ZNF519: variants seen among roughly 807,000 people sequenced by gnomAD.
ZNF519 encodes the protein similar to Zinc finger protein 85 (Zinc finger protein HPF4) (HTF1).
In ZNF519, 7 loss-of-function variants were observed where a neutral mutation model predicts 7.4. The observed-to-expected ratio is 0.94, with a 90% confidence interval of 0.54 to 1.77. The LOEUF is 1.77. Among genes scored for constraint, ZNF519 ranks in the 40% most tolerant of loss-of-function variants. The pLI is 0.00. For missense variants in ZNF519, 586 were observed against 623.1 expected (o/e 0.94, Z 0.63); for synonymous variants, 179 against 203.3 (o/e 0.88, Z 1.02).
At chr18:14,120,014 G>A (rs2046263151) in intron 2 of ZNF519, among the ~76,000 whole-genome samples, 1 of 152,192 alleles carries the variant, frequency 6.6e-6, no homozygotes, top group East Asian at 1.9e-4. Context: ...CGGATTTAAA[G>A]TTTTAGTGGA....
At position 14,104,660 on chromosome 18, in the gene ZNF519, T is replaced by C. The variant is rs952022538; in HGVS notation, c.*257A>G. On this transcript the variant is annotated 3_prime_UTR_variant, in exon 3 of 3. Coordinates refer to ENST00000590202, the MANE Select transcript of ZNF519 (RefSeq NM_145287.4). ...CTCTCCATCAATGTCGTCCCTCTTTTTAAACATACAATTTAATTATCTAAT... is the reference window on the plus strand; with the variant it reads ...CTCTCCATCAATGTCGTCCCTCTTTCTAAACATACAATTTAATTATCTAAT... 2.3e-5 allele frequency: 8 copies of C among 349,950 alleles called. No individual in the cohort carries two copies. The highest frequency in any genetic ancestry group is 4.1e-5 in the Non-Finnish European group (8 of 196,242). The allele number at this position is 349,950 out of a possible 1,614,324, so 21.7% of individuals were successfully genotyped here.
intron 3 of ZNF519, chr18:14,082,377 T>C (rs150687993): frequency 7.6e-4 from 116 of 152,276 alleles, no homozygotes; most frequent in African/African-American, 2.6e-3. Flanking sequence ...ATTCAAGATA[T>C]ATAGTTTTAA....
intron 2 of ZNF519, among the ~76,000 whole-genome samples, chr18:14,120,336 G>A (rs749110993): frequency 5.3e-5 from 8 of 151,988 alleles, no homozygotes; most frequent in Non-Finnish European, 1.2e-4. Context: ...AGAAAAACTA[G>A]ATATCCACAA....
At chr18:14,083,856 T>G (rs1034915325) in intron 3 of ZNF519, among the ~76,000 whole-genome samples, 1 of 152,218 alleles carries the variant, frequency 6.6e-6, no homozygotes, top group Non-Finnish European at 1.5e-5. Context: ...TACTTATTTG[T>G]GCAGTTTCTT....
intron 3 of ZNF519, among the ~76,000 whole-genome samples, chr18:14,081,340 T>C (rs2046070008): frequency 7.0e-6 from 1 of 143,314 alleles, no homozygotes; most frequent in Non-Finnish European, 1.5e-5. Flanking sequence ...TGGGAACATA[T>C]GGGCATTATA....
intron 2 of ZNF519, among the ~76,000 whole-genome samples, chr18:14,111,515 G>GAAAAAAAAAAAA (rs371322134): frequency 8.3e-5 from 6 of 72,612 alleles, no homozygotes; most frequent in East Asian, 4.1e-4. Context: ...TCAAAAAAAA[G>GAAAAAAAAAAAA]AAAAAAAAAA....
intron 2 of ZNF519, among the ~76,000 whole-genome samples, chr18:14,120,289 C>A (rs1259928727): frequency 6.6e-6 from 1 of 152,038 alleles, no homozygotes; most frequent in Non-Finnish European, 1.5e-5. Flanking sequence ...CAAGAATATA[C>A]AATGCAGAAA....
At chr18:14,120,635 TAAG>T (rs1482066559) in intron 2 of ZNF519, among the ~76,000 whole-genome samples, 3 of 152,116 alleles carry the variant, frequency 2.0e-5, no homozygotes, top group African/African-American at 4.8e-5. Context: ...AAGCCATGTA[TAAG>T]AAGTTAATAT....
At chr18:14,118,343 C>T (rs1471172560) in intron 2 of ZNF519, among the ~76,000 whole-genome samples, 7 of 152,202 alleles carry the variant, frequency 4.6e-5, no homozygotes, top group African/African-American at 1.7e-4. Flanking sequence ...CAGGGGTGAG[C>T]CACTGCGCCT....
At chr18:14,108,670 CAT>C (rs1233364604) in intron 2 of ZNF519, among the ~76,000 whole-genome samples, 1 of 149,304 alleles carries the variant, frequency 6.7e-6, no homozygotes, top group African/African-American at 2.5e-5. Context: ...CCTATAAACA[CAT>C]AGATTAAAAA....
intron 2 of ZNF519, among the ~76,000 whole-genome samples, chr18:14,114,983 T>G (rs1017979863): frequency 6.6e-6 from 1 of 152,086 alleles, no homozygotes; most frequent in Non-Finnish European, 1.5e-5. Context: ...ATATATAAAT[T>G]TAAGTTGCAA....
chr18:14,117,268 T>C (rs958857328), intron 2 of ZNF519, among the ~76,000 whole-genome samples: 4 of 152,138 alleles, frequency 2.6e-5, no homozygotes, highest in Non-Finnish European at 5.9e-5. Flanking sequence ...GATTAACAAA[T>C]GGACAAGAGA....
At chr18:14,099,917 G>T (rs1250278599), downstream of ZNF519, 1 of 152,078 alleles carries the variant, frequency 6.6e-6, no homozygotes, top group Non-Finnish European at 1.5e-5. Context: ...AGCAATAGAT[G>T]GAAGAAAATC....
intron 3 of ZNF519, among the ~76,000 whole-genome samples, chr18:14,079,124 A>G (rs796119166): frequency 2.0e-5 from 3 of 152,312 alleles, no homozygotes; most frequent in African/African-American, 7.2e-5. Context: ...GTATCTTTCT[A>G]TGGCCCTCCT....
rs10221432 is a variant in ZNF519, at chr18:14,106,275, C to G, written c.265G>C (p.Gly89Arg). 8 of 1,613,170 alleles carry G rather than the reference C, an allele frequency of 5.0e-6. No individual in the cohort carries two copies. In the African/African-American group the frequency reaches 1.1e-4, roughly 22 times the overall value. The stretch of plus-strand genomic sequence containing the variant: ...CATTCCTTTTGTCCTTCACCTTCAC[C>G]TATACTTTCCCAGTTTTTCCATAAG... ...ICLWKNWESI[G>R]EGEGQKECYN... The change falls in exon 3 of 3, where the codon GGT becomes CGT. Residue 89 changes from glycine to arginine, a missense_variant. Physicochemically the swap from Gly to Arg is moderately radical, Grantham distance 125 (BLOSUM62 -2). Transcript: ENST00000590202.
intron 2 of ZNF519, among the ~76,000 whole-genome samples, chr18:14,117,825 T>C (rs899208631): frequency 6.6e-6 from 1 of 152,060 alleles, no homozygotes; most frequent in Non-Finnish European, 1.5e-5. Context: ...GAGAACTTAC[T>C]ACAGCACAGA....
At chr18:14,115,041 C>T (rs867217085) in intron 2 of ZNF519, among the ~76,000 whole-genome samples, 14 of 152,140 alleles carry the variant, frequency 9.2e-5, no homozygotes, top group African/African-American at 3.4e-4. Context: ...GATATATGCA[C>T]TTAACACCAC....
chr18:14,118,563 T>C (rs1157119419), intron 2 of ZNF519, among the ~76,000 whole-genome samples: 5 of 152,140 alleles, frequency 3.3e-5, no homozygotes, highest in South Asian at 4.1e-4. Flanking sequence ...GTGAAACCTT[T>C]GTGGAGCCAA....
intron 2 of ZNF519, among the ~76,000 whole-genome samples, chr18:14,123,823 G>C (rs899333829): frequency 2.0e-5 from 3 of 152,092 alleles, no homozygotes; most frequent in Non-Finnish European, 4.4e-5. Flanking sequence ...TAGAGTAAAG[G>C]AAACAAATTA....
Sources: gnomAD v4.1 joint callset for allele counts (sites outside exome capture counted in the v4.1 genomes callset) on GRCh38, gnomAD v4.1.1 for gene constraint, MANE v1.5 for transcripts, NCBI Gene and HGNC (gene_info 2026-07-23, HGNC 2026-07-21) for gene names.